Variants in ERAP1 observed in about 807,000 individuals in gnomAD.
The protein encoded by ERAP1 is endoplasmic reticulum aminopeptidase 1.
ERAP1 carries 86 observed loss-of-function variants against 103.7 expected under a neutral mutation model. The observed-to-expected ratio is 0.83, with a 90% CI of 0.70 to 0.99. The LOEUF (loss-of-function observed/expected upper bound fraction) is 0.99, where lower values mean the gene tolerates loss of function less well. Among genes scored for constraint, ERAP1 ranks in the 50% least tolerant of loss-of-function variants. ERAP1 has a pLI of 0.00. For missense variants in ERAP1, 1,009 were observed against 1,128.4 expected (o/e 0.89, Z 1.52); for synonymous variants, 398 against 402.4 (o/e 0.99, Z 0.13).
chr5:96,911,530 G>A, the ERAP1 span, among the ~76,000 whole-genome samples: 10 of 152,034 alleles, frequency 6.6e-5, no homozygotes, highest in Admixed American at 5.2e-4. Flanking sequence ...CTAATGAATT[G>A]TACCAAATTA....
upstream of ERAP1, among the ~76,000 whole-genome samples, chr5:96,809,278 C>G (rs1224398507): frequency 1.3e-5 from 2 of 152,214 alleles, no homozygotes; most frequent in Non-Finnish European, 2.9e-5. Context: ...GAATGTCTAA[C>G]CTCCTGGGAG....
At chr5:96,913,875 G>A in the ERAP1 span, among the ~76,000 whole-genome samples, 15 of 152,248 alleles carry the variant, frequency 9.9e-5, no homozygotes, top group South Asian at 3.1e-3. Context: ...TTTGGTAAGA[G>A]CTACTCCTCA....
chr5:96,909,124 G>T, the ERAP1 span: 32 of 1,613,294 alleles, frequency 2.0e-5, no homozygotes, highest in Non-Finnish European at 2.5e-5. Context: ...CAAGGTTTGT[G>T]TTGCTTTTAG....
In ERAP1 at chr5:96,785,839, A is replaced by C. The variant is rs754258784; in HGVS notation, c.1892T>G (p.Val631Gly). 1 of 1,614,174 alleles carries C rather than the reference A, an allele frequency of 6.2e-7. No homozygotes were observed. Among genetic ancestry groups the C allele is most frequent in the South Asian group, 1.1e-5 (1 of 91,084 alleles). The change falls in exon 13 of 19, where the codon GTC becomes GGC. Residue 631 changes from valine to glycine, a missense_variant. By Grantham distance (109) the Val-to-Gly change is moderately radical (BLOSUM62 -3). This residue lies in a region of ERAP1 where 611 missense variants were observed against 651.7 expected (regional missense o/e 0.94). Transcript: ENST00000443439. ...TGLLKGTHTAVSSNDRASLIN... is the reference protein window; with the variant it reads ...TGLLKGTHTAGSSNDRASLIN... ...GAGACTCGCCCGATCATTACTGCTGACTGCTGTGTGTGTTCCTTTTAAAAG... is the reference window on the plus strand; with the variant it reads ...GAGACTCGCCCGATCATTACTGCTGCCTGCTGTGTGTGTTCCTTTTAAAAG...
chr5:96,765,768 A>C (rs983521256), intron 19 of ERAP1, among the ~76,000 whole-genome samples: 37 of 152,306 alleles, frequency 2.4e-4, no homozygotes, highest in African/African-American at 8.4e-4. Context: ...CTAATCTCCT[A>C]ACATGGTTTC....
intron 5 of ERAP1, 83 bp downstream of exon 5, chr5:96,794,959 C>A (rs947247935): frequency 1.3e-6 from 2 of 1,532,470 alleles, no homozygotes; most frequent in East Asian, 2.4e-5. Flanking sequence ...GCTGAGGCAA[C>A]TACAGGGATG....
the ERAP1 span, chr5:96,873,677 G>C: frequency 6.4e-6 from 2 of 312,914 alleles, no homozygotes; most frequent in African/African-American, 4.4e-5. Context: ...GGCAATCTAA[G>C]GAAAAACAAA....
chr5:96,909,698 A>G, the ERAP1 span: 4 of 1,614,198 alleles, frequency 2.5e-6, no homozygotes, highest in African/African-American at 1.3e-5. Context: ...GACCTGAACC[A>G]TGCTCCTTGC....
the ERAP1 span, among the ~76,000 whole-genome samples, chr5:96,851,057 A>G: frequency 6.6e-6 from 1 of 152,212 alleles, no homozygotes; most frequent in Non-Finnish European, 1.5e-5. Context: ...TTCCTCAAAA[A>G]TACCTATTTG....
chr5:96,766,021 A>T, intron 19 of ERAP1: 1 of 1,178,422 alleles, frequency 8.5e-7, no homozygotes, highest in Non-Finnish European at 1.3e-6. Context: ...GAGGAAATGA[A>T]TATTAATTCT....
the ERAP1 span, among the ~76,000 whole-genome samples, chr5:96,874,180 A>AAGAAAGAAAGAAAGAAAGAG: frequency 2.4e-5 from 2 of 82,250 alleles, no homozygotes; most frequent in African/African-American, 1.1e-4. Flanking sequence ...GAAAGAAAGA[A>AAGAAAGAAAGAAAGAAAGAG]AGAGAGAGAG....
At chr5:96,901,475 C>T in the ERAP1 span, 1 of 1,608,922 alleles carries the variant, frequency 6.2e-7, no homozygotes. Flanking sequence ...TCTCCTCTCT[C>T]TTGAGTTATC....
chr5:96,859,456 G>A, the ERAP1 span, among the ~76,000 whole-genome samples: 4 of 151,936 alleles, frequency 2.6e-5, no homozygotes, highest in South Asian at 2.1e-4. Context: ...CTAGATTGGC[G>A]GAACCAAAGA....
At chr5:96,873,198 AT>A in the ERAP1 span, 4 of 378,036 alleles carry the variant, frequency 1.1e-5, no homozygotes, top group Non-Finnish European at 2.1e-5. Context: ...AAAAAAAAAA[AT>A]CATGAAAATT....
In ERAP1 at chr5:96,790,354, T is replaced by C. The variant is rs1167227913; in HGVS notation, c.1466A>G (p.Asp489Gly). Residue 489 changes from aspartate (D) to glycine (G), a missense_variant, in exon 10 of 19, where the codon GAT becomes GGT. Asp to Gly is a moderately conservative substitution (Grantham distance 94). Transcript: ENST00000443439. ...AAAGCCATCCATCCCTTTTACACCA[T>C]CTGTAGGGCAAATCTAAAAACCAAA... ...WDSMASICPT[D>G]GVKGMDGFCS... 1 of 1,614,132 alleles carries C rather than the reference T, an allele frequency of 6.2e-7. No homozygotes were observed. Among genetic ancestry groups the C allele is most frequent in the Non-Finnish European group, 8.5e-7 (1 of 1,180,000 alleles).
chr5:96,924,373 C>T, the ERAP1 span, among the ~76,000 whole-genome samples: 1 of 152,094 alleles, frequency 6.6e-6, no homozygotes, highest in African/African-American at 2.4e-5. Context: ...GAGAGTCAGC[C>T]AAGAATCATA....
chr5:96,923,982 T>C, the ERAP1 span, among the ~76,000 whole-genome samples: 2,346 of 151,804 alleles, frequency 0.015, 62 homozygotes, highest in African/African-American at 0.054. Context: ...AAAGTACTGG[T>C]TGGGTAGGAG....
chr5:96,819,652 T>G, the ERAP1 span, among the ~76,000 whole-genome samples: 3 of 152,168 alleles, frequency 2.0e-5, no homozygotes, highest in Non-Finnish European at 2.9e-5. Context: ...CCTAGGATTG[T>G]TTTTTTACGT....
chr5:96,879,958 T>C, the ERAP1 span: 3 of 1,614,216 alleles, frequency 1.9e-6, no homozygotes, highest in Non-Finnish European at 1.7e-6. Context: ...CTCTGGACTT[T>C]GTTGCATCTG....
Sources: gnomAD v4.1 joint callset for allele counts (sites outside exome capture counted in the v4.1 genomes callset) on GRCh38, gnomAD v4.1.1 for gene constraint, gnomAD v4.1.1 regional missense constraint, MANE v1.5 for transcripts, NCBI Gene and HGNC (gene_info 2026-07-23, HGNC 2026-07-21) for gene names.